TAPT1: variants seen among roughly 807,000 people sequenced by gnomAD.
TAPT1 encodes transmembrane anterior posterior transformation protein 1 homolog.
A neutral mutation model predicts 65.6 loss-of-function variants in TAPT1; 28 were observed. The ratio of observed to expected loss-of-function variants is 0.43; its 90% CI spans 0.32 to 0.59. The LOEUF (loss-of-function observed/expected upper bound fraction) is 0.59. Among genes scored for constraint, TAPT1 ranks in the 20% least tolerant of loss-of-function variants. The probability of loss-of-function intolerance (pLI) is 0.09; values close to 1 mark genes in which losing one functional copy is unlikely to be tolerated. For missense variants in TAPT1, 563 were observed against 679.9 expected, an observed-to-expected ratio of 0.83 and a Z score of 1.91; for synonymous variants, 278 against 245.2, an observed-to-expected ratio of 1.13 and a Z score of -1.25.
At chr4:16,173,422 T>G (rs564874233) in intron 11 of TAPT1, among the ~76,000 whole-genome samples, 1 of 152,286 alleles carries the variant, frequency 6.6e-6, no homozygotes, top group East Asian at 1.9e-4. Flanking sequence ...TATTTCTTTT[T>G]ATTCTTTCTT....
Position 16,162,717 on chromosome 4 carries a change from C to T in TAPT1, c.*591G>A. 1 of 157,342 alleles carries T rather than the reference C, an allele frequency of 6.4e-6. No individual in the cohort carries two copies. Among genetic ancestry groups the T allele is most frequent in the Non-Finnish European group, 1.4e-5 (1 of 71,400 alleles). The allele number at this position is 157,342 out of a possible 1,614,324, so 9.7% of individuals were successfully genotyped here. A position where few individuals can be genotyped will look rare whatever the true frequency, so the allele number is the denominator to read the frequency against. ...AACTAGTTTAGCATTTTTTTTTAAC[C>T]CTACAAAATGCTACTATTCATCATG... On this transcript the variant is annotated 3_prime_UTR_variant, in exon 14 of 14. Transcript: ENST00000405303.
Position 16,165,828 on chromosome 4 carries a change from T to C in TAPT1, c.1474+805A>G, listed in dbSNP as rs542054814. Reference sequence around the variant, plus strand: ...GCCAGGTCTCCCTGCTCACACCACCTACCCTGCTCCTGGCCAGATAGCTGC... The same window carrying C: ...GCCAGGTCTCCCTGCTCACACCACCCACCCTGCTCCTGGCCAGATAGCTGC... On this transcript the variant is annotated intron_variant, in intron 13 of 13. Transcript: ENST00000405303. Among the ~76,000 whole-genome samples the C allele has an allele frequency of 3.3e-5, 5 of 152,260 alleles. No homozygotes were observed. In the East Asian group the frequency reaches 9.7e-4, roughly 29 times the overall value.
chr4:16,169,592 T>A (rs1380588563), intron 12 of TAPT1, among the ~76,000 whole-genome samples: 2 of 152,284 alleles, frequency 1.3e-5, no homozygotes, highest in African/African-American at 2.4e-5. Flanking sequence ...GATCAGAACC[T>A]CCTCCTCCTC....
chr4:16,171,300 C>T (rs1313750195), intron 11 of TAPT1, among the ~76,000 whole-genome samples: 1 of 152,124 alleles, frequency 6.6e-6, no homozygotes, highest in Non-Finnish European at 1.5e-5. Flanking sequence ...ATTAATTAAA[C>T]ATTGAAACAG....
rs763815261 is a variant in TAPT1 at position 16,174,289 on chromosome 4, G to A, written c.1168-17C>T. 2 of 1,589,184 alleles carry A rather than the reference G, an allele frequency of 1.3e-6. No homozygotes were observed. Among genetic ancestry groups the A allele is most frequent in the Non-Finnish European group, 1.7e-6 (2 of 1,167,348 alleles). The stretch of plus-strand genomic sequence containing the variant: ...AGTGTATGCCTGAACAGAGAAAGAA[G>A]CAAAAGATTCAGATTTATGGGATTT... On this transcript the variant is annotated splice_polypyrimidine_tract_variant and intron_variant, in intron 10 of 13. Transcript: ENST00000405303.
intron 2 of TAPT1, among the ~76,000 whole-genome samples, chr4:16,211,258 TTAGAA>T (rs1263872868): frequency 6.6e-6 from 1 of 151,960 alleles, no homozygotes; most frequent in East Asian, 1.9e-4. Flanking sequence ...ATATTATATA[TTAGAA>T]TAGACAATGT....
At chr4:16,186,714 C>A in intron 6 of TAPT1, 67 bp downstream of exon 6, 1 of 1,403,324 alleles carries the variant, frequency 7.1e-7, no homozygotes. Flanking sequence ...GAATTTTATC[C>A]CACCCAGAGT....
intron 12 of TAPT1, among the ~76,000 whole-genome samples, chr4:16,167,765 G>A (rs1048871504): frequency 3.3e-5 from 5 of 152,144 alleles, no homozygotes; most frequent in African/African-American, 1.2e-4. Flanking sequence ...ATATAACACT[G>A]TATCATGAAT....
At chr4:16,220,876 T>C (rs1751213987) in intron 1 of TAPT1, among the ~76,000 whole-genome samples, 1 of 151,958 alleles carries the variant, frequency 6.6e-6, no homozygotes, top group Admixed American at 6.5e-5. Context: ...TTGCCCAGGC[T>C]GCAGCCCAGT....
Position 16,226,019 on chromosome 4 carries a change from C to T in TAPT1, c.199+240G>A, listed in dbSNP as rs370126610. 1.0e-3 allele frequency: 1,003 copies of T among 1,003,848 alleles called. 3 individuals carry two copies. In the African/African-American group the frequency reaches 0.014, roughly 14 times the overall value. 62.2% of individuals were successfully genotyped at this position (1,003,848 alleles called of 1,614,324 possible). A position where few individuals can be genotyped will look rare whatever the true frequency, so the allele number is the denominator to read the frequency against. ...TCCCGGCCGCAGACCCCTTCTAGGG[C>T]ACACCTGGCCTGGCGCGGCCGCGGG... On this transcript the variant is annotated intron_variant, in intron 1 of 13. Transcript: ENST00000405303.
chr4:16,168,441 G>A (rs1002429406), intron 12 of TAPT1, among the ~76,000 whole-genome samples: 2 of 152,178 alleles, frequency 1.3e-5, no homozygotes, highest in Admixed American at 1.3e-4. Context: ...TCCCGTCCCC[G>A]GGCCCTCCTC....
intron 12 of TAPT1, among the ~76,000 whole-genome samples, chr4:16,168,789 GCCAAGC>G (rs1268881059): frequency 6.6e-6 from 1 of 152,166 alleles, no homozygotes; most frequent in African/African-American, 2.4e-5. Context: ...CTTCTTTTTG[GCCAAGC>G]CCTAGACCAG....
intron 8 of TAPT1, 88 bp downstream of exon 8, chr4:16,179,489 T>C (rs926216482): frequency 1.3e-6 from 1 of 769,722 alleles, no homozygotes; most frequent in African/African-American, 1.8e-5. Context: ...TTTGGAGTTT[T>C]CTGCAATATT....
intron 2 of TAPT1, among the ~76,000 whole-genome samples, chr4:16,212,810 C>A (rs746588964): frequency 6.6e-6 from 1 of 152,226 alleles, no homozygotes; most frequent in Non-Finnish European, 1.5e-5. Flanking sequence ...TGACGCTTCA[C>A]CAAGAACCTA....
chr4:16,206,858 G>A (rs1013090436), intron 2 of TAPT1, among the ~76,000 whole-genome samples: 1 of 152,186 alleles, frequency 6.6e-6, no homozygotes, highest in African/African-American at 2.4e-5. Flanking sequence ...ATGTGCTAGA[G>A]GCCTAAAGGC....
At chr4:16,194,239 T>A (rs577968124) in intron 3 of TAPT1, among the ~76,000 whole-genome samples, 4 of 152,340 alleles carry the variant, frequency 2.6e-5, no homozygotes, top group African/African-American at 7.2e-5. Context: ...TAGAAACACC[T>A]AATGCTACAA....
At chr4:16,167,442 T>C (rs1747716563) in intron 12 of TAPT1, among the ~76,000 whole-genome samples, 1 of 152,214 alleles carries the variant, frequency 6.6e-6, no homozygotes, top group South Asian at 2.1e-4. Context: ...TCCACACCCT[T>C]ATGATAATCA....
At chr4:16,214,275 G>C (rs1227042898) in intron 1 of TAPT1, among the ~76,000 whole-genome samples, 1 of 152,132 alleles carries the variant, frequency 6.6e-6, no homozygotes, top group African/African-American at 2.4e-5. Flanking sequence ...AGTCAAAAGG[G>C]AGCAAAGTCA....
At chr4:16,188,463 A>T in intron 4 of TAPT1, 108 bp from the exon 5 acceptor site, 1 of 860,896 alleles carries the variant, frequency 1.2e-6, no homozygotes, top group Non-Finnish European at 1.7e-6. Context: ...AAATCCTAGT[A>T]GAAGGCAAGC....
Sources: allele counts gnomAD v4.1 joint callset (sites outside exome capture counted in the v4.1 genomes callset), GRCh38; gene constraint gnomAD v4.1.1; transcripts MANE v1.5; gene names NCBI Gene and HGNC (gene_info 2026-07-23, HGNC 2026-07-21).